Variants in MARCHF1 observed in about 807,000 individuals in gnomAD.
MARCHF1 encodes membrane associated ring-CH-type finger 1, also known as E3 ubiquitin-protein ligase MARCHF1.
Under a neutral mutation model 54.2 loss-of-function variants are expected in MARCHF1, and 40 were observed. The observed-to-expected ratio is 0.74, with a 90% CI of 0.57 to 0.96. The LOEUF (loss-of-function observed/expected upper bound fraction) is 0.96. Among genes scored for constraint, MARCHF1 ranks in the 40% least tolerant of loss-of-function variants. MARCHF1 has a pLI of 0.00. For synonymous variants in MARCHF1, 236 were observed against 236.3 expected, an observed-to-expected ratio of 1.00 and a Z score of 0.01; for missense variants, 586 against 656.5, an observed-to-expected ratio of 0.89 and a Z score of 1.17.
intron 3 of MARCHF1, among the ~76,000 whole-genome samples, chr4:163,861,863 GA>G (rs34571807): frequency 0.78 from 118,593 of 151,686 alleles, 47,151 homozygotes; most frequent in East Asian, 0.97. Flanking sequence ...TGTGGTGTTG[GA>G]AAAAAAAGTA....
Position 163,722,242 on chromosome 4 carries a change from T to C in MARCHF1, c.112-21379A>G, listed in dbSNP as rs537157346. Among the ~76,000 whole-genome samples, 264 of 152,162 alleles carry C rather than the reference T, an allele frequency of 1.7e-3. 1 individual carries two copies. The highest frequency in any genetic ancestry group is 6.1e-3 in the African/African-American group (254 of 41,464). On this transcript the variant is annotated intron_variant, in intron 4 of 9. Transcript: ENST00000514618. ...CTGGTATGCTGTGTCTTTGTTCTCA[T>C]TGGTTTCAAAGAACATCTTTATTTC...
intron 2 of MARCHF1, among the ~76,000 whole-genome samples, chr4:164,044,783 T>A (rs1250316287): frequency 6.6e-6 from 1 of 151,874 alleles, no homozygotes; most frequent in Non-Finnish European, 1.5e-5. Context: ...ATACTATAGA[T>A]TCTCTACATA....
intron 3 of MARCHF1, among the ~76,000 whole-genome samples, chr4:163,912,010 G>T (rs1284348586): frequency 1.3e-5 from 2 of 151,182 alleles, no homozygotes; most frequent in Non-Finnish European, 2.9e-5. Context: ...CAGAAGAAAA[G>T]AAATCGTTAG....
intron 1 of MARCHF1, among the ~76,000 whole-genome samples, chr4:164,210,871 C>T (rs1429638032): frequency 6.6e-6 from 1 of 152,022 alleles, no homozygotes; most frequent in East Asian, 1.9e-4. Context: ...AACTATTCTG[C>T]CTTTATAAAG....
At chr4:163,653,155 T>C (rs982955518) in intron 5 of MARCHF1, among the ~76,000 whole-genome samples, 1 of 151,780 alleles carries the variant, frequency 6.6e-6, no homozygotes, top group South Asian at 2.1e-4. Flanking sequence ...CAGGGAGTGA[T>C]TCATGCATTG....
At chr4:163,869,182 G>A (rs1250891170) in intron 3 of MARCHF1, among the ~76,000 whole-genome samples, 2 of 151,928 alleles carry the variant, frequency 1.3e-5, no homozygotes, top group African/African-American at 4.8e-5. Context: ...AAGACTACGT[G>A]AGTGAGTTTG....
chr4:164,325,041 C>T (rs935445714), intron 1 of MARCHF1, among the ~76,000 whole-genome samples: 1 of 151,540 alleles, frequency 6.6e-6, no homozygotes, highest in African/African-American at 2.4e-5. Context: ...CATTTATTTG[C>T]CTTATAAGAT....
At position 164,351,122 on chromosome 4, in the gene MARCHF1, A is replaced by G. The variant is rs556225609; in HGVS notation, c.-323+32748T>C. Among the ~76,000 whole-genome samples, 13 of 152,260 alleles carry G rather than the reference A, an allele frequency of 8.5e-5. No homozygotes were observed. The East Asian group carries it at 2.5e-3, about 30-fold the overall frequency. On this transcript the variant is annotated intron_variant, in intron 1 of 9. Coordinates refer to ENST00000514618, the MANE Select transcript of MARCHF1 (RefSeq NM_001394959.1). ...GGCTCGGAGGGTCCTACCCCACGGA[A>G]TCTCGCTGATTGCTAGCACAGCAGC...
intron 5 of MARCHF1, among the ~76,000 whole-genome samples, chr4:163,617,886 T>C (rs1391065372): frequency 6.6e-6 from 1 of 152,156 alleles, no homozygotes; most frequent in African/African-American, 2.4e-5. Flanking sequence ...CAGACAAAGA[T>C]GTCAAAATAG....
chr4:163,849,299 A>G (rs1361593801), intron 4 of MARCHF1, among the ~76,000 whole-genome samples: 1 of 152,196 alleles, frequency 6.6e-6, no homozygotes, highest in Non-Finnish European at 1.5e-5. Context: ...TGTAGTAAGT[A>G]TTAAAAATGA....
chr4:164,175,852 C>G (rs888351502), intron 1 of MARCHF1, among the ~76,000 whole-genome samples: 2 of 152,146 alleles, frequency 1.3e-5, no homozygotes, highest in Admixed American at 6.5e-5. Context: ...TTCATCCCCC[C>G]ACTCCCCAAC....
At chr4:164,336,112 T>C (rs905704577) in intron 1 of MARCHF1, among the ~76,000 whole-genome samples, 2 of 152,192 alleles carry the variant, frequency 1.3e-5, no homozygotes, top group Non-Finnish European at 2.9e-5. Flanking sequence ...GGTTCACAGC[T>C]GTGAAAAGGA....
chr4:164,293,382 G>A (rs1306638734), intron 1 of MARCHF1, among the ~76,000 whole-genome samples: 2 of 152,142 alleles, frequency 1.3e-5, no homozygotes, highest in Non-Finnish European at 2.9e-5. Context: ...TCCCAAATAA[G>A]GCAAATGCCA....
intron 1 of MARCHF1, among the ~76,000 whole-genome samples, chr4:164,138,926 C>T (rs552463007): frequency 6.6e-6 from 1 of 152,218 alleles, no homozygotes; most frequent in East Asian, 1.9e-4. Context: ...GACACAGCCA[C>T]CACAAAATTA....
At chr4:163,629,797 G>A (rs28750978) in intron 5 of MARCHF1, among the ~76,000 whole-genome samples, 131 of 150,712 alleles carry the variant, frequency 8.7e-4, no homozygotes, top group African/African-American at 3.1e-3. Flanking sequence ...AAATCTGCAC[G>A]TTCTGCACAT....
intron 4 of MARCHF1, among the ~76,000 whole-genome samples, chr4:163,716,643 C>T (rs1159204989): frequency 6.6e-6 from 1 of 152,156 alleles, no homozygotes; most frequent in East Asian, 1.9e-4. Flanking sequence ...ATAGTAGCTC[C>T]ACACCCATGA....
chr4:164,067,237 AG>A (rs2111081725), intron 2 of MARCHF1, among the ~76,000 whole-genome samples: 1 of 152,174 alleles, frequency 6.6e-6, no homozygotes, highest in South Asian at 2.1e-4. Flanking sequence ...TTAGAAAAAA[AG>A]TATTCTGAAA....
At chr4:164,064,218 T>C (rs1754681121) in intron 2 of MARCHF1, among the ~76,000 whole-genome samples, 2 of 152,248 alleles carry the variant, frequency 1.3e-5, no homozygotes, top group African/African-American at 4.8e-5. Context: ...TGTAATTTAA[T>C]GGGAACAGCA....
intron 1 of MARCHF1, among the ~76,000 whole-genome samples, chr4:164,339,069 T>C (rs903865782): frequency 6.6e-6 from 1 of 152,146 alleles, no homozygotes; most frequent in East Asian, 1.9e-4. Flanking sequence ...CACCTAAATA[T>C]ATAAATCAAA....
Sources: gnomAD v4.1 joint callset for allele counts (sites outside exome capture counted in the v4.1 genomes callset) on GRCh38, gnomAD v4.1.1 for gene constraint, MANE v1.5 for transcripts, NCBI Gene and HGNC (gene_info 2026-07-23, HGNC 2026-07-21) for gene names.